The following ARHGAP24 variants were observed in gnomAD, a reference collection of about 807,000 sequenced individuals.
ARHGAP24 encodes rho GTPase-activating protein 24.
In ARHGAP24, 50 loss-of-function variants were observed where a neutral mutation model predicts 76.4. The ratio of observed to expected loss-of-function variants is 0.65; its 90% CI spans 0.52 to 0.83. ARHGAP24 has a LOEUF of 0.83. Ranked by LOEUF, ARHGAP24 falls within the 40% of genes least tolerant of loss-of-function variation. The probability of loss-of-function intolerance (pLI) is 0.00; values close to 1 mark genes in which losing one functional copy is unlikely to be tolerated. For synonymous variants in ARHGAP24, 345 were observed against 323.3 expected (o/e 1.07, Z -0.72); for missense variants, 930 against 914.2 (o/e 1.02, Z -0.22).
At chr4:85,869,450 AGATGATGCTTCCAGCATTTGACTGGT>A (rs1732403168) in intron 3 of ARHGAP24, among the ~76,000 whole-genome samples, 1 of 152,070 alleles carries the variant, frequency 6.6e-6, no homozygotes, top group South Asian at 2.1e-4. Flanking sequence ...CATTGTTACA[AGATGATGCTTCCAGCATTTGACTGGT>A]GTCTTCTATG....
intron 2 of ARHGAP24, among the ~76,000 whole-genome samples, chr4:85,620,297 A>G (rs1720673912): frequency 6.6e-6 from 1 of 151,934 alleles, no homozygotes; most frequent in Admixed American, 6.6e-5. Flanking sequence ...ATTTTCTTTA[A>G]TGGAAGAATT....
At position 85,923,787 on chromosome 4, in the gene ARHGAP24, A is replaced by G. The variant is rs1221334446; in HGVS notation, c.391+17A>G. On this transcript the variant is annotated intron_variant, in intron 4 of 9. Coordinates refer to ENST00000395184, the MANE Select transcript of ARHGAP24 (RefSeq NM_001025616.3). ...TCGGAGGAGGTGAGTGTACTTTAAA[A>G]TCATGGAAAAACAGAAAGGTAGACC... 5 of 1,613,742 alleles carry G rather than the reference A, an allele frequency of 3.1e-6. No homozygotes were observed. In the African/African-American group the frequency reaches 6.7e-5, roughly 22 times the overall value.
intron 3 of ARHGAP24, among the ~76,000 whole-genome samples, chr4:85,826,758 A>C (rs1365492808): frequency 6.6e-6 from 1 of 152,216 alleles, no homozygotes; most frequent in Non-Finnish European, 1.5e-5. Flanking sequence ...TCTCTGTTTT[A>C]TAGATTACAA....
At chr4:85,896,642 AC>A (rs1326861018) in intron 3 of ARHGAP24, among the ~76,000 whole-genome samples, 2 of 152,250 alleles carry the variant, frequency 1.3e-5, no homozygotes, top group East Asian at 3.9e-4. Flanking sequence ...CAAGACACTT[AC>A]CCCTTTTACT....
chr4:85,604,261 C>G (rs924261657), intron 2 of ARHGAP24: 1 of 152,178 alleles, frequency 6.6e-6, no homozygotes, highest in African/African-American at 2.4e-5. Context: ...CTGATCCTGC[C>G]TGCTGTAGAA....
At chr4:85,664,892 T>G (rs1256615667) in intron 2 of ARHGAP24, among the ~76,000 whole-genome samples, 1 of 152,200 alleles carries the variant, frequency 6.6e-6, no homozygotes, top group Non-Finnish European at 1.5e-5. Flanking sequence ...TTGTTATAAT[T>G]TCTGATCTTT....
At chr4:85,608,551 GTTTTTTTTTT>G (rs141361475) in intron 2 of ARHGAP24, among the ~76,000 whole-genome samples, 1 of 73,186 alleles carries the variant, frequency 1.4e-5, no homozygotes. Flanking sequence ...TTGTTTGGTT[GTTTTTTTTTT>G]TTTTTTTTTT....
At position 85,930,473 on chromosome 4, in the gene ARHGAP24, G is replaced by C. The variant is rs536068798; in HGVS notation, c.391+6703G>C. 8.4e-4 allele frequency: 829 copies of C among 990,828 alleles called. 1 individual carries two copies. Among genetic ancestry groups the C allele is most frequent in the Non-Finnish European group, 8.2e-4 (686 of 833,906 alleles). 61.4% of individuals were successfully genotyped at this position (990,828 alleles called of 1,614,324 possible). A position where few individuals can be genotyped will look rare whatever the true frequency, so the allele number is the denominator to read the frequency against. Reference sequence around the variant, plus strand: ...AGGACAGTCCTGAAATATTCCTCAGGGGACTTTTTGTCATTGTTCCTCTTT... The same window carrying C: ...AGGACAGTCCTGAAATATTCCTCAGCGGACTTTTTGTCATTGTTCCTCTTT... On this transcript the variant is annotated intron_variant, in intron 4 of 9. Coordinates refer to ENST00000395184, the MANE Select transcript of ARHGAP24 (RefSeq NM_001025616.3).
intron 2 of ARHGAP24, among the ~76,000 whole-genome samples, chr4:85,705,914 A>G (rs1337351168): frequency 7.1e-6 from 1 of 141,722 alleles, no homozygotes; most frequent in Non-Finnish European, 1.5e-5. Context: ...AATTTTCTTA[A>G]CAGATGAATA....
At chr4:85,527,228 A>G (rs1466794530) in intron 1 of ARHGAP24, among the ~76,000 whole-genome samples, 1 of 152,176 alleles carries the variant, frequency 6.6e-6, no homozygotes, top group Non-Finnish European at 1.5e-5. Context: ...TAGAATAAAA[A>G]GTAATGTTGC....
chr4:85,698,527 T>G (rs17010599), intron 2 of ARHGAP24, among the ~76,000 whole-genome samples: 20,811 of 152,250 alleles, frequency 0.14, 1,856 homozygotes, highest in East Asian at 0.33. Flanking sequence ...TAGGCTCACA[T>G]TTGTAAAGTT....
chr4:85,516,160 A>G (rs1724491142), intron 1 of ARHGAP24, among the ~76,000 whole-genome samples: 1 of 152,192 alleles, frequency 6.6e-6, no homozygotes, highest in Non-Finnish European at 1.5e-5. Context: ...GCATGTCGAC[A>G]TAGTCCCAGT....
At chr4:85,721,784 T>C in intron 2 of ARHGAP24, 101 bp from the exon 3 acceptor site, 1 of 994,890 alleles carries the variant, frequency 1.0e-6, no homozygotes, top group South Asian at 1.3e-5. Flanking sequence ...TCTTACTGTA[T>C]ACTGGGTTAT....
At chr4:85,544,007 A>G (rs1725810082) in intron 1 of ARHGAP24, among the ~76,000 whole-genome samples, 1 of 152,120 alleles carries the variant, frequency 6.6e-6, no homozygotes, top group Non-Finnish European at 1.5e-5. Flanking sequence ...CAACCAAAAC[A>G]TTCCTTTACT....
intron 3 of ARHGAP24, among the ~76,000 whole-genome samples, chr4:85,730,986 GCACACACA>G (rs200255967): frequency 2.1e-3 from 282 of 133,928 alleles, no homozygotes; most frequent in South Asian, 7.7e-3. Context: ...TAATATAACT[GCACACACA>G]CACACACACA....
chr4:86,000,946 GAGT>G lies in ARHGAP24; in HGVS notation c.*228_*230del, dbSNP rs1740987111. The stretch of plus-strand genomic sequence containing the variant: ...TGTTACAACTGGATATGTGTATATA[GAGT>G]AGTTTTTCAAAAGTAAACTAAAAAT... On this transcript the variant is annotated 3_prime_UTR_variant, in exon 10 of 10. Coordinates refer to ENST00000395184, the MANE Select transcript of ARHGAP24 (RefSeq NM_001025616.3). 3.4e-6 allele frequency: 2 copies of G among 588,652 alleles called. No homozygotes were observed. Among genetic ancestry groups the G allele is most frequent in the Non-Finnish European group, 5.7e-6 (2 of 353,236 alleles). 36.5% of individuals were successfully genotyped at this position (588,652 alleles called of 1,614,324 possible).
At chr4:85,476,428 T>C (rs1473580563) in intron 1 of ARHGAP24, among the ~76,000 whole-genome samples, 2 of 152,114 alleles carry the variant, frequency 1.3e-5, no homozygotes, top group Non-Finnish European at 2.9e-5. Flanking sequence ...TATGTTACTC[T>C]TTTTTTAACC....
At chr4:85,749,972 G>A (rs1726196770) in intron 3 of ARHGAP24, among the ~76,000 whole-genome samples, 1 of 152,112 alleles carries the variant, frequency 6.6e-6, no homozygotes, top group African/African-American at 2.4e-5. Context: ...AGCGGCAGCA[G>A]CAGCAACCCT....
At chr4:85,715,368 C>T (rs1045749037) in intron 2 of ARHGAP24, among the ~76,000 whole-genome samples, 13 of 151,890 alleles carry the variant, frequency 8.6e-5, no homozygotes. Context: ...AAAATATGGG[C>T]CCAAAATAGC....
Sources: gnomAD v4.1 joint callset for allele counts (sites outside exome capture counted in the v4.1 genomes callset) on GRCh38, gnomAD v4.1.1 for gene constraint, MANE v1.5 for transcripts, NCBI Gene and HGNC (gene_info 2026-07-23, HGNC 2026-07-21) for gene names.